LAMA2: variants seen among roughly 807,000 people sequenced by gnomAD.
The protein encoded by LAMA2 is laminin subunit alpha 2, also known as laminin subunit alpha-2.
A neutral mutation model predicts 364.8 loss-of-function variants in LAMA2; 269 were observed. The observed-to-expected ratio is 0.74, with a 90% CI of 0.67 to 0.82. The LOEUF (loss-of-function observed/expected upper bound fraction) is 0.82, where lower values mean the gene tolerates loss of function less well. Ranked by LOEUF, LAMA2 falls within the 40% of genes least tolerant of loss-of-function variation. LAMA2 has a pLI of 0.00. For missense variants in LAMA2, 3,807 were observed against 3,873.2 expected (o/e 0.98, Z 0.45); for synonymous variants, 1,379 against 1,370.6 (o/e 1.01, Z -0.14).
At chr6:128,953,166 T>C (rs945645144) in intron 1 of LAMA2, among the ~76,000 whole-genome samples, 1 of 152,182 alleles carries the variant, frequency 6.6e-6, no homozygotes, top group Non-Finnish European at 1.5e-5. Flanking sequence ...CTGATATGTA[T>C]TTCATAGCTA....
chr6:129,218,156 G>A (rs928870622), intron 12 of LAMA2, among the ~76,000 whole-genome samples: 1 of 152,052 alleles, frequency 6.6e-6, no homozygotes, highest in Non-Finnish European at 1.5e-5. Context: ...AAATGTGAGT[G>A]TACTCATATA....
At chr6:129,131,459 G>T (rs569992445) in intron 4 of LAMA2, among the ~76,000 whole-genome samples, 5 of 152,286 alleles carry the variant, frequency 3.3e-5, no homozygotes, top group Admixed American at 3.3e-4. Flanking sequence ...GCTTCTTTGA[G>T]GGCATGGCCC....
rs1784599832 is a variant in LAMA2, at chr6:129,486,623, G to A, written c.7898+1G>A. The A allele has an allele frequency of 6.2e-6, 10 of 1,612,900 alleles. No individual in the cohort carries two copies. The highest frequency in any genetic ancestry group is 7.6e-6 in the Non-Finnish European group (9 of 1,178,964). ...CCGTTCATGTAGAGCGAACTAGAGG[G>A]TAACAATAGCACTAAAATATTTATT... On this transcript the variant is annotated splice_donor_variant, in intron 56 of 64. Coordinates refer to ENST00000421865, the MANE Select transcript of LAMA2 (RefSeq NM_000426.4). LOFTEE classifies it high-confidence loss of function.
chr6:129,161,259 A>T (rs1029172751), intron 8 of LAMA2, among the ~76,000 whole-genome samples: 4 of 152,044 alleles, frequency 2.6e-5, no homozygotes, highest in African/African-American at 9.7e-5. Context: ...ATTTTGTTTA[A>T]CTTTCAACCT....
In LAMA2 at chr6:129,456,479, G is replaced by A; in HGVS notation, c.6852G>A (p.Leu2284=). 1 of 1,613,402 alleles carries A rather than the reference G, an allele frequency of 6.2e-7. No individual in the cohort carries two copies. ...ATGCAATGCTGTTTGTTGGTGGCCT[G>A]ACTGGGAAATTAAAGGTAATGTGTT... The part of the protein sequence containing the change: ...DANAMLFVGG[L]TGKLKKADAV... Residue 2284 remains leucine, a synonymous_variant, in exon 48 of 65, where the codon CTG becomes CTA. Coordinates refer to ENST00000421865, the MANE Select transcript of LAMA2 (RefSeq NM_000426.4).
intron 12 of LAMA2, among the ~76,000 whole-genome samples, chr6:129,233,835 C>CT (rs994188680): frequency 6.6e-6 from 1 of 152,104 alleles, no homozygotes; most frequent in Non-Finnish European, 1.5e-5. Context: ...GGTATTTGTC[C>CT]TTTTTTTCCT....
chr6:129,070,690 TAC>T (rs1272876008), intron 3 of LAMA2, among the ~76,000 whole-genome samples: 8 of 152,176 alleles, frequency 5.3e-5, no homozygotes, highest in Non-Finnish European at 1.5e-5. Flanking sequence ...TGTTATTATG[TAC>T]AGTTTTTAAT....
intron 1 of LAMA2, among the ~76,000 whole-genome samples, chr6:129,041,993 C>A (rs1438171725): frequency 1.3e-4 from 11 of 86,982 alleles, no homozygotes; most frequent in African/African-American, 4.7e-4. Context: ...CAGAATGAGA[C>A]CCTGTCTCAA....
chr6:129,084,759 G>A (rs115875874), intron 3 of LAMA2, among the ~76,000 whole-genome samples: 132 of 152,230 alleles, frequency 8.7e-4, no homozygotes, highest in African/African-American at 3.0e-3. Flanking sequence ...GAAAAGTTAA[G>A]CCTCCATTCT....
intron 60 of LAMA2, among the ~76,000 whole-genome samples, chr6:129,504,937 A>G (rs1264159875): frequency 6.6e-6 from 1 of 152,186 alleles, no homozygotes; most frequent in East Asian, 1.9e-4. Context: ...ACATTTGGCA[A>G]TCTACCGAGG....
intron 1 of LAMA2, among the ~76,000 whole-genome samples, chr6:129,032,990 A>C (rs981196711): frequency 2.0e-5 from 3 of 152,090 alleles, no homozygotes; most frequent in Non-Finnish European, 4.4e-5. Flanking sequence ...GTAATATTAA[A>C]TTTGTGATGT....
At chr6:129,021,366 C>A (rs1384027057) in intron 1 of LAMA2, among the ~76,000 whole-genome samples, 1 of 152,166 alleles carries the variant, frequency 6.6e-6, no homozygotes, top group Non-Finnish European at 1.5e-5. Context: ...GTAAATTATT[C>A]TGATGCTAAA....
At chr6:129,399,757 T>C (rs1020708181) in intron 37 of LAMA2, among the ~76,000 whole-genome samples, 1 of 152,114 alleles carries the variant, frequency 6.6e-6, no homozygotes, top group Non-Finnish European at 1.5e-5. Flanking sequence ...GAACTAGTTG[T>C]ATGTACCTGG....
chr6:128,910,250 T>A (rs1459457172), intron 1 of LAMA2, among the ~76,000 whole-genome samples: 1 of 152,274 alleles, frequency 6.6e-6, no homozygotes, highest in East Asian at 1.9e-4. Context: ...TTGGTTTCAT[T>A]CTCCCCGTCA....
Position 129,270,687 on chromosome 6 carries a change from C to T in LAMA2, c.2386C>T (p.Pro796Ser), listed in dbSNP as rs866705964. The stretch of plus-strand genomic sequence containing the variant: ...ATGTCTTCCTGGTTTCTATGGCGAG[C>T]CTACTAAAGGAACCTCTGAAGACTG... The part of the protein sequence containing the change: ...DKCLPGFYGE[P>S]TKGTSEDCQP... The change falls in exon 17 of 65, where the codon CCT becomes TCT. Residue 796 changes from proline to serine, a missense_variant. Physicochemically the swap from Pro to Ser is moderately conservative, Grantham distance 74 (BLOSUM62 -1). This residue lies in a region of LAMA2 where 3,333 missense variants were observed against 3,345.7 expected (regional missense o/e 1.00). Transcript: ENST00000421865. 1 of 1,612,788 alleles carries T rather than the reference C, an allele frequency of 6.2e-7. No individual in the cohort carries two copies. Among genetic ancestry groups the T allele is most frequent in the Non-Finnish European group, 8.5e-7 (1 of 1,179,096 alleles).
chr6:128,908,278 G>A (rs1296078243), intron 1 of LAMA2, among the ~76,000 whole-genome samples: 1 of 151,848 alleles, frequency 6.6e-6, no homozygotes, highest in African/African-American at 2.4e-5. Context: ...ACTCTTTTTG[G>A]TTGGTAAGCT....
In LAMA2 at chr6:129,272,492, G is replaced by T. The variant is rs937009386; in HGVS notation, c.2450+1741G>T. Among the ~76,000 whole-genome samples the T allele has an allele frequency of 6.6e-5, 10 of 152,126 alleles. No individual in the cohort carries two copies. In the South Asian group the frequency reaches 1.0e-3, roughly 16 times the overall value. On this transcript the variant is annotated intron_variant, in intron 17 of 64. Coordinates refer to ENST00000421865, the MANE Select transcript of LAMA2 (RefSeq NM_000426.4). Reference sequence around the variant, plus strand: ...AGAGTCATAAAGTATTAAAGTATCAGAGTTGGAATTTTAGTTTTAAAATCC... The same window carrying T: ...AGAGTCATAAAGTATTAAAGTATCATAGTTGGAATTTTAGTTTTAAAATCC...
chr6:128,931,350 T>C (rs1255401575), intron 1 of LAMA2, among the ~76,000 whole-genome samples: 1 of 152,242 alleles, frequency 6.6e-6, no homozygotes, highest in Non-Finnish European at 1.5e-5. Context: ...TGGTCTTCTT[T>C]CACTTCCATA....
At chr6:129,112,943 C>T (rs73773679) in intron 4 of LAMA2, among the ~76,000 whole-genome samples, 5,008 of 152,042 alleles carry the variant, frequency 0.033, 285 homozygotes, top group African/African-American at 0.11. Context: ...ACATTTTAAA[C>T]ATACACTTAG....
Sources: allele counts gnomAD v4.1 joint callset (sites outside exome capture counted in the v4.1 genomes callset), GRCh38; gene constraint gnomAD v4.1.1; regional missense constraint gnomAD v4.1.1; transcripts MANE v1.5; gene names NCBI Gene and HGNC (gene_info 2026-07-23, HGNC 2026-07-21).